TEX2: variants seen among roughly 807,000 people sequenced by gnomAD.
TEX2 encodes the protein testis expressed 2.
In TEX2, 53 loss-of-function variants were observed where a neutral mutation model predicts 106.9. The ratio of observed to expected loss-of-function variants is 0.50; its 90% confidence interval spans 0.40 to 0.62. The LOEUF (loss-of-function observed/expected upper bound fraction) is 0.62. TEX2 is among the 20% of genes least tolerant of loss of function. The pLI is 0.00. For synonymous variants in TEX2, 523 were observed against 534.8 expected, an observed-to-expected ratio of 0.98 and a Z score of 0.30; for missense variants, 1,207 against 1,379.0, an observed-to-expected ratio of 0.88 and a Z score of 1.98.
At position 64,251,608 on chromosome 17, in the gene TEX2, T is replaced by C. The variant is rs562704548; in HGVS notation, c.-26+11560A>G. 1.2e-4 allele frequency among the ~76,000 whole-genome samples: 19 copies of C among 152,302 alleles called. No homozygotes were observed. The East Asian group carries it at 3.1e-3, about 25-fold the overall frequency. ...GGGGAAGACCCAGGTTTCTCCTTTT[T>C]CCTTTTGACATGTCAGGTGGACCTG... On this transcript the variant is annotated intron_variant, in intron 1 of 11. Transcript: ENST00000584379.
chr17:64,259,037 C>A (rs564897350), intron 1 of TEX2, among the ~76,000 whole-genome samples: 2 of 152,132 alleles, frequency 1.3e-5, no homozygotes, highest in African/African-American at 2.4e-5. Flanking sequence ...CATGAGCCAC[C>A]GCGCCCTGTC....
At chr17:64,245,527 T>C (rs2033970273) in intron 1 of TEX2, among the ~76,000 whole-genome samples, 2 of 152,212 alleles carry the variant, frequency 1.3e-5, no homozygotes, top group African/African-American at 2.4e-5. Flanking sequence ...CCTGCTGCCA[T>C]AGATACAAAA....
rs34343500 is a variant in TEX2 at position 64,193,581 on chromosome 17, C to T, written c.2154G>A (p.Ser718=). 145,271 of 1,447,480 alleles carry T rather than the reference C, an allele frequency of 0.1. 8,293 individuals are homozygous for T. Among genetic ancestry groups the T allele is most frequent in the African/African-American group, 0.23 (16,135 of 69,812 alleles). 89.7% of individuals were successfully genotyped at this position (1,447,480 alleles called of 1,614,324 possible). The change falls in exon 4 of 12, where the codon TCG becomes TCA. Residue 718 remains serine, a synonymous_variant. Coordinates refer to ENST00000584379, the MANE Select transcript of TEX2 (RefSeq NM_001288732.2). ...SKLKSEIKKS[S]GVSGGKPGLL... ...TACCTGGTTTACCTCCAGAGACACC[C>T]GATGACTTCTTGATTTCCGACTTTA... is the stretch of plus-strand genomic sequence containing the variant.
rs1471154615 is a variant in TEX2 at position 64,212,594 on chromosome 17, T to C, written c.1624A>G (p.Lys542Glu). The change falls in exon 2 of 12, where the codon AAA becomes GAA. Residue 542 changes from lysine to glutamate, a missense_variant. Lys to Glu is a moderately conservative substitution (Grantham distance 56). Transcript: ENST00000584379. ...CTTACCTTCAGTATTTCAGGTTCTT[T>C]GATATCCAGAGATCTTGTGTTCCAG... ...RHWNTRSLDIKEPEILKGWMN... is the reference protein window; with the variant it reads ...RHWNTRSLDIEEPEILKGWMN... The C allele has an allele frequency of 2.5e-6, 4 of 1,613,836 alleles. No individual in the cohort carries two copies. Among genetic ancestry groups the C allele is most frequent in the Non-Finnish European group, 3.4e-6 (4 of 1,179,772 alleles).
intron 1 of TEX2, among the ~76,000 whole-genome samples, chr17:64,220,022 G>T (rs554265501): frequency 6.6e-6 from 1 of 152,326 alleles, no homozygotes; most frequent in Non-Finnish European, 1.5e-5. Flanking sequence ...ACTCAGAGAA[G>T]GCGATGTGAA....
At chr17:64,234,436 T>C (rs2033724122) in intron 1 of TEX2, among the ~76,000 whole-genome samples, 1 of 152,246 alleles carries the variant, frequency 6.6e-6, no homozygotes, top group Admixed American at 6.5e-5. Context: ...CAGAGAGCAC[T>C]GTCTGCCAAA....
intron 5 of TEX2, 59 bp downstream of exon 5, chr17:64,188,109 A>G (rs2032144578): frequency 8.9e-6 from 14 of 1,568,680 alleles, no homozygotes; most frequent in Non-Finnish European, 1.0e-5. Context: ...GCACTTACGC[A>G]TGAAGAAATG....
chr17:64,165,069 T>G (rs1253549134), intron 7 of TEX2, among the ~76,000 whole-genome samples: 1 of 152,230 alleles, frequency 6.6e-6, no homozygotes, highest in African/African-American at 2.4e-5. Context: ...TACCTGTAAC[T>G]ATTAACAGCT....
chr17:64,188,815 CAAAAAA>C, intron 4 of TEX2, among the ~76,000 whole-genome samples: 1 of 97,214 alleles, frequency 1.0e-5, no homozygotes, highest in African/African-American at 3.8e-5. Context: ...GACTCCATCT[CAAAAAA>C]AAAAAAAAAA....
intron 1 of TEX2, among the ~76,000 whole-genome samples, chr17:64,220,149 G>GA (rs2033318017): frequency 6.6e-6 from 1 of 152,078 alleles, no homozygotes; most frequent in African/African-American, 2.4e-5. Context: ...TTAATATCCA[G>GA]AAAATGTAAA....
intron 1 of TEX2, among the ~76,000 whole-genome samples, chr17:64,233,607 C>T (rs567288178): frequency 6.6e-6 from 1 of 151,964 alleles, no homozygotes; most frequent in Non-Finnish European, 1.5e-5. Context: ...CACATGCATA[C>T]CCAGAAAGAG....
In TEX2 at chr17:64,153,618, T is replaced by C. The variant is rs1470867514; in HGVS notation, c.2931-464A>G. Among the ~76,000 whole-genome samples the C allele has an allele frequency of 6.6e-6, 1 of 152,226 alleles. No individual in the cohort carries two copies. The highest frequency in any genetic ancestry group is 1.5e-5 in the Non-Finnish European group (1 of 68,038). On this transcript the variant is annotated intron_variant, in intron 9 of 11. Coordinates refer to ENST00000584379, the MANE Select transcript of TEX2 (RefSeq NM_001288732.2). This position sits in a 1 kb window ranked among gnomAD's most constrained non-coding sequence, Gnocchi z 4.1. ...CCATGCAGCAAGTAACAAATCATGC[T>C]GCATCAATAGGACATAAATCAGTAA... is the stretch of plus-strand genomic sequence containing the variant.
In TEX2 at chr17:64,171,180, T is replaced by C; in HGVS notation, c.2591A>G (p.Glu864Gly). The change falls in exon 7 of 12, where the codon GAG (glutamate) becomes GGG (glycine). Residue 864 changes from glutamate to glycine, a missense_variant. Coordinates refer to ENST00000584379, the MANE Select transcript of TEX2 (RefSeq NM_001288732.2). ...SKIKLPYFMN[E>G]LTLTELDMGV... is the part of the protein sequence containing the mutation. ...CATGTCAAGTTCCGTCAGAGTGAGC[T>C]CATTCATAAAGTAGGGGAGCTAGAG... is the stretch of plus-strand genomic sequence containing the variant. The C allele has an allele frequency of 1.9e-6, 3 of 1,614,046 alleles. No homozygotes were observed. Among genetic ancestry groups the C allele is most frequent in the Non-Finnish European group, 2.5e-6 (3 of 1,179,940 alleles).
At chr17:64,222,563 G>C (rs1252840694) in intron 1 of TEX2, among the ~76,000 whole-genome samples, 7 of 149,076 alleles carry the variant, frequency 4.7e-5, no homozygotes, top group African/African-American at 7.4e-5. Context: ...AAGATGGGAG[G>C]ACTGCTTAAG....
In TEX2 at chr17:64,213,123, G is replaced by A; in HGVS notation, c.1095C>T (p.Pro365=). The A allele has an allele frequency of 1.2e-6, 2 of 1,614,124 alleles. No individual in the cohort carries two copies. The change falls in exon 2 of 12, where the codon CCC becomes CCT. Residue 365 remains proline, a synonymous_variant. Transcript: ENST00000584379. The surrounding 1 kb of genome is among the most constrained non-coding windows in gnomAD (Gnocchi z 4.4). ...GDGYGSDSNI[P]RSDHPKSTGE... is the part of the protein sequence containing the mutation. Reference sequence around the variant, plus strand: ...CAGTGGACTTTGGGTGGTCACTTCTGGGGATGTTGGAATCACTTCCGTAGC... The same window carrying A: ...CAGTGGACTTTGGGTGGTCACTTCTAGGGATGTTGGAATCACTTCCGTAGC...
At position 64,153,209 on chromosome 17, in the gene TEX2, C is replaced by G. The variant is rs2030449879; in HGVS notation, c.2931-55G>C. 2 of 1,268,116 alleles carry G rather than the reference C, an allele frequency of 1.6e-6. No homozygotes were observed. Among genetic ancestry groups the G allele is most frequent in the South Asian group, 2.6e-5 (2 of 75,606 alleles). The allele number at this position is 1,268,116 out of a possible 1,614,324, so 78.6% of individuals were successfully genotyped here. A position where few individuals can be genotyped will look rare whatever the true frequency, so the allele number is the denominator to read the frequency against. The stretch of plus-strand genomic sequence containing the variant: ...GCACAAACTTTGCTCTTTTCACAGA[C>G]AAAAACCTGTGGCTCTTCGTTCCCC... On this transcript the variant is annotated intron_variant, in intron 9 of 11. Transcript: ENST00000584379. This position sits in a 1 kb window ranked among gnomAD's most constrained non-coding sequence, Gnocchi z 4.1.
chr17:64,184,239 G>A (rs547742909), intron 5 of TEX2, among the ~76,000 whole-genome samples: 1 of 151,984 alleles, frequency 6.6e-6, no homozygotes, highest in African/African-American at 2.4e-5. Context: ...GGGACTGCAG[G>A]CACATGCCAC....
chr17:64,213,960 G>A lies in TEX2; in HGVS notation c.258C>T (p.Ala86=), dbSNP rs144339943. The A allele has an allele frequency of 6.8e-5, 109 of 1,614,188 alleles. 2 individuals are homozygous for A. The highest frequency in any genetic ancestry group is 3.7e-4 in the Admixed American group (22 of 60,028). The change falls in exon 2 of 12, where the codon GCC becomes GCT. Residue 86 remains alanine (A), a synonymous_variant. Coordinates refer to ENST00000584379, the MANE Select transcript of TEX2 (RefSeq NM_001288732.2). This position sits in a 1 kb window ranked among gnomAD's most constrained non-coding sequence, Gnocchi z 4.4. Reference sequence around the variant, plus strand: ...CCAGGACAGGCGAGGCAGCAGGGCCGGCGGGGTCATGGCCAACTTGGGGTT... The same window carrying A: ...CCAGGACAGGCGAGGCAGCAGGGCCAGCGGGGTCATGGCCAACTTGGGGTT... ...YLEPQVGHDP[A]GPAASPVLAD...
intron 5 of TEX2, among the ~76,000 whole-genome samples, chr17:64,187,786 C>G (rs2032131794): frequency 6.6e-6 from 1 of 152,172 alleles, no homozygotes; most frequent in Non-Finnish European, 1.5e-5. Flanking sequence ...CACCATGGCT[C>G]ACTCCCCCGT....
Sources: gnomAD v4.1 joint callset for allele counts (sites outside exome capture counted in the v4.1 genomes callset) on GRCh38, gnomAD v4.1.1 for gene constraint, Gnocchi (gnomAD v3.1) non-coding constraint, MANE v1.5 for transcripts, NCBI Gene and HGNC (gene_info 2026-07-23, HGNC 2026-07-21) for gene names.